The following ZDHHC1 variants were observed in gnomAD, a reference collection of about 807,000 sequenced individuals.
ZDHHC1 encodes zDHHC palmitoyltransferase 1, also known as palmitoyltransferase ZDHHC1.
ZDHHC1 carries 45 observed loss-of-function variants against 46.9 expected under a neutral mutation model. The ratio of observed to expected loss-of-function variants is 0.96; its 90% CI spans 0.76 to 1.23. The LOEUF (loss-of-function observed/expected upper bound fraction) is 1.23. Ranked by LOEUF, ZDHHC1 falls within the 50% of genes most tolerant of loss-of-function variation. The pLI is 0.00. For missense variants in ZDHHC1, 649 were observed against 670.8 expected (o/e 0.97, Z 0.36); for synonymous variants, 291 against 286.0 (o/e 1.02, Z -0.18).
intron 8 of ZDHHC1, among the ~76,000 whole-genome samples, chr16:67,397,636 T>A (rs756606822): frequency 6.6e-5 from 10 of 152,072 alleles, no homozygotes; most frequent in Non-Finnish European, 1.5e-4. Flanking sequence ...GACGACTGGA[T>A]CACCCCCACC....
rs2040406034 is a variant in ZDHHC1, at chr16:67,395,268, A to C, written c.1023T>G (p.Phe341Leu). ...PAAVNANPSQ[F>L]LATRGQAEPP... ...GTTCCGCTTGGCCACGGGTGGCAAGAAACTGGGAGGGACTGAGGGGGAAGC... is the reference window on the plus strand; with the variant it reads ...GTTCCGCTTGGCCACGGGTGGCAAGCAACTGGGAGGGACTGAGGGGGAAGC... Residue 341 changes from phenylalanine (F) to leucine (L), a missense_variant, in exon 10 of 12, where the codon TTT (phenylalanine) becomes TTG (leucine). Phe to Leu is a conservative substitution (Grantham distance 22, BLOSUM62 0). Coordinates refer to ENST00000565726, the MANE Select transcript of ZDHHC1 (RefSeq NM_001323627.2). 1.3e-6 allele frequency: 2 copies of C among 1,567,156 alleles called. No individual in the cohort carries two copies. The highest frequency in any genetic ancestry group is 1.7e-6 in the Non-Finnish European group (2 of 1,155,224).
At position 67,401,071 on chromosome 16, in the gene ZDHHC1, G is replaced by A. The variant is rs1234159980; in HGVS notation, c.314C>T (p.Pro105Leu). The change falls in exon 4 of 12, where the codon CCA (proline) becomes CTA (leucine). Residue 105 changes from proline (P) to leucine (L), a missense_variant. Coordinates refer to ENST00000565726, the MANE Select transcript of ZDHHC1 (RefSeq NM_001323627.2). This position sits in a 1 kb window ranked among gnomAD's most constrained non-coding sequence, Gnocchi z 4.6. ...VVHLTAVSID[P>L]ADANVRDKSY... is the part of the protein sequence containing the mutation. Reference sequence around the variant, plus strand: ...CTTGTCCCGCACGTTGGCATCTGCTGGATCGATGGAGACGGCGGTCAGGTG... The same window carrying A: ...CTTGTCCCGCACGTTGGCATCTGCTAGATCGATGGAGACGGCGGTCAGGTG... The A allele has an allele frequency of 1.2e-6, 2 of 1,614,140 alleles. No individual in the cohort carries two copies.
At chr16:67,411,319 T>A (rs1032620715) in intron 1 of ZDHHC1, among the ~76,000 whole-genome samples, 1 of 152,092 alleles carries the variant, frequency 6.6e-6, no homozygotes, top group African/African-American at 2.4e-5. Flanking sequence ...AGCGACGGGG[T>A]TGAAGCAGGT....
chr16:67,398,856 T>G lies in ZDHHC1; in HGVS notation c.619A>C (p.Asn207His). 6.2e-7 allele frequency: 1 copy of G among 1,613,030 alleles called. No individual in the cohort carries two copies. The highest frequency in any genetic ancestry group is 1.1e-5 in the South Asian group (1 of 90,868). Residue 207 changes from asparagine (N) to histidine (H), a missense_variant, in exon 6 of 12, where the codon AAC becomes CAC. By Grantham distance (68) the Asn-to-His change is moderately conservative (BLOSUM62 1). Transcript: ENST00000565726. ...ATYVFVEFFV[N>H]PMRLRTNRHF... is the part of the protein sequence containing the mutation. ...CGGTTGGTGCGCAGACGCATGGGGTTGACAAAGAACTCCACGAAGACATAT... is the reference window on the plus strand; with the variant it reads ...CGGTTGGTGCGCAGACGCATGGGGTGGACAAAGAACTCCACGAAGACATAT...
At chr16:67,398,066 G>C in intron 8 of ZDHHC1, 146 bp downstream of exon 8, 2 of 772,648 alleles carry the variant, frequency 2.6e-6, no homozygotes, top group Non-Finnish European at 4.2e-6. Context: ...GGGCGAGCAG[G>C]CACACGCTCA....
chr16:67,396,356 G>C (rs1400951667), intron 8 of ZDHHC1: 1 of 152,310 alleles, frequency 6.6e-6, no homozygotes, highest in Non-Finnish European at 1.5e-5. Flanking sequence ...CGTGGTGCGA[G>C]ATGGGGGCGG....
Position 67,395,225 on chromosome 16 carries a change from G to A in ZDHHC1, c.1066C>T (p.Pro356Ser). ...CGGGGAGGCAGGGCGAGAGTGTCTG[G>A]GGAAGAGGGTGGTGGAGGTTCCGCT... The part of the protein sequence containing the change: ...GQAEPPPPSS[P>S]DTLALPPRIR... The change falls in exon 10 of 12, where the codon CCA becomes TCA. Residue 356 changes from proline to serine, a missense_variant. Coordinates refer to ENST00000565726, the MANE Select transcript of ZDHHC1 (RefSeq NM_001323627.2). The A allele has an allele frequency of 6.2e-7, 1 of 1,607,688 alleles. No individual in the cohort carries two copies. Among genetic ancestry groups the A allele is most frequent in the Non-Finnish European group, 8.5e-7 (1 of 1,177,558 alleles).
chr16:67,404,237 C>T (rs1161410472), intron 3 of ZDHHC1: 1 of 153,162 alleles, frequency 6.5e-6, no homozygotes, highest in Non-Finnish European at 1.5e-5. Context: ...GGGGGAGCCA[C>T]AGGCCACGAG....
At chr16:67,395,672 C>G in intron 8 of ZDHHC1, 106 bp from the exon 9 acceptor site, 3 of 1,106,894 alleles carry the variant, frequency 2.7e-6, no homozygotes, top group South Asian at 2.8e-5. Context: ...TGTGGGATAT[C>G]TCAGGCCTCA....
In ZDHHC1 at chr16:67,395,287, G is replaced by T; in HGVS notation, c.1011-7C>A. The stretch of plus-strand genomic sequence containing the variant: ...GGCAAGAAACTGGGAGGGACTGAGG[G>T]GGAAGCAGGAGGGTAAGCCTGGGGC... On this transcript the variant is annotated splice_region_variant and splice_polypyrimidine_tract_variant and intron_variant, in intron 9 of 11. Coordinates refer to ENST00000565726, the MANE Select transcript of ZDHHC1 (RefSeq NM_001323627.2). 6.5e-7 allele frequency: 1 copy of T among 1,536,154 alleles called. No homozygotes were observed. The highest frequency in any genetic ancestry group is 2.4e-5 in the East Asian group (1 of 42,252).
rs758649854 is a variant in ZDHHC1 at position 67,398,660 on chromosome 16, T to A, written c.727A>T (p.Ile243Phe). Reference protein sequence around the residue: ...AAPVETQAPAILALAALLILL... With the variant: ...AAPVETQAPAFLALAALLILL... Reference sequence around the variant, plus strand: ...ATGAGCAGGGCGGCCAGGGCCAGGATGGCAGGGGCCTGGGTCTCCACGGGG... The same window carrying A: ...ATGAGCAGGGCGGCCAGGGCCAGGAAGGCAGGGGCCTGGGTCTCCACGGGG... The change falls in exon 7 of 12, where the codon ATC becomes TTC. Residue 243 changes from isoleucine to phenylalanine, a missense_variant. Ile to Phe is a conservative substitution (Grantham distance 21). Transcript: ENST00000565726. The A allele has an allele frequency of 6.2e-7, 1 of 1,607,790 alleles. No individual in the cohort carries two copies. Among genetic ancestry groups the A allele is most frequent in the Non-Finnish European group, 8.5e-7 (1 of 1,177,952 alleles).
At chr16:67,397,651 C>T (rs780022248) in intron 8 of ZDHHC1, among the ~76,000 whole-genome samples, 5 of 152,174 alleles carry the variant, frequency 3.3e-5, no homozygotes, top group Non-Finnish European at 7.4e-5. Flanking sequence ...CCCACCCCAG[C>T]GGCTGACCTC....
intron 1 of ZDHHC1, among the ~76,000 whole-genome samples, chr16:67,415,792 C>G (rs2040825077): frequency 1.3e-5 from 2 of 152,146 alleles, no homozygotes; most frequent in African/African-American, 2.4e-5. Flanking sequence ...CCCATGGTTT[C>G]CTTTTAAAAC....
chr16:67,409,617 G>C (rs2040718600), intron 1 of ZDHHC1, among the ~76,000 whole-genome samples: 1 of 152,238 alleles, frequency 6.6e-6, no homozygotes, highest in South Asian at 2.1e-4. Context: ...AGGTCGGAGA[G>C]AATCCAAGAT....
chr16:67,396,069 C>T (rs562721828), intron 8 of ZDHHC1: 8 of 156,548 alleles, frequency 5.1e-5, no homozygotes, highest in Non-Finnish European at 9.9e-5. Context: ...AATGCACATG[C>T]GGTGGTCTCC....
rs534904100 is a variant in ZDHHC1, at chr16:67,406,972, G to T, written c.10-530C>A. The stretch of plus-strand genomic sequence containing the variant: ...TGGACAGAAAATCCCTTTAGGACTG[G>T]GGGAGTCTGAAGCTCTGCCCCATGC... On this transcript the variant is annotated intron_variant, in intron 2 of 11. Coordinates refer to ENST00000565726, the MANE Select transcript of ZDHHC1 (RefSeq NM_001323627.2). This position sits in a 1 kb window ranked among gnomAD's most constrained non-coding sequence, Gnocchi z 4.1. 5.9e-5 allele frequency among the ~76,000 whole-genome samples: 9 copies of T among 152,300 alleles called. No homozygotes were observed. In the South Asian group the frequency reaches 1.7e-3, roughly 28 times the overall value.
intron 2 of ZDHHC1, among the ~76,000 whole-genome samples, chr16:67,407,075 C>T (rs888436408): frequency 2.6e-5 from 4 of 152,178 alleles, no homozygotes; most frequent in Non-Finnish European, 5.9e-5. Flanking sequence ...CCTTCAGCAG[C>T]AGAAATGACC....
chr16:67,403,600 T>C (rs192247444), intron 3 of ZDHHC1, among the ~76,000 whole-genome samples: 17 of 151,688 alleles, frequency 1.1e-4, no homozygotes, highest in Admixed American at 5.3e-4. Context: ...TTGAGCCTCA[T>C]TTCTTTTGTT....
Position 67,406,502 on chromosome 16 carries a change from G to A in ZDHHC1, c.10-60C>T, listed in dbSNP as rs1191636135. ...CCAAGAAGCTGGGCTGGAGCCCAGG[G>A]CCTGTGTCTGCAGCCAAGTTTCAGC... On this transcript the variant is annotated intron_variant, in intron 2 of 11. Transcript: ENST00000565726. The surrounding 1 kb of genome is among the most constrained non-coding windows in gnomAD (Gnocchi z 4.1). 3.2e-5 allele frequency: 47 copies of A among 1,447,002 alleles called. No homozygotes were observed. The highest frequency in any genetic ancestry group is 4.1e-5 in the Non-Finnish European group (45 of 1,099,572). The allele number at this position is 1,447,002 out of a possible 1,614,324, so 89.6% of individuals were successfully genotyped here.
Sources: gnomAD v4.1 joint callset for allele counts (sites outside exome capture counted in the v4.1 genomes callset) on GRCh38, gnomAD v4.1.1 for gene constraint, Gnocchi (gnomAD v3.1) non-coding constraint, MANE v1.5 for transcripts, NCBI Gene and HGNC (gene_info 2026-07-23, HGNC 2026-07-21) for gene names.